UBXN6: variants seen among roughly 807,000 people sequenced by gnomAD.
UBXN6 encodes the protein UBX domain-containing protein 6.
Under a neutral mutation model 51.4 loss-of-function variants are expected in UBXN6, and 44 were observed. That is an observed-to-expected ratio of 0.86 (90% CI 0.67 to 1.10). UBXN6 has a LOEUF of 1.10. Ranked by LOEUF, UBXN6 falls within the 50% of genes least tolerant of loss-of-function variation. The pLI, the probability that UBXN6 is intolerant of heterozygous loss-of-function variation, is 0.00. For synonymous variants in UBXN6, 316 were observed against 263.2 expected (o/e 1.20, Z -1.94); for missense variants, 672 against 596.1 (o/e 1.13, Z -1.32).
intron 10 of UBXN6, 180 bp downstream of exon 10, chr19:4,445,869 G>T: frequency 9.0e-7 from 1 of 1,116,218 alleles, no homozygotes; most frequent in Non-Finnish European, 1.2e-6. Flanking sequence ...GCGTGGAGTA[G>T]TTATGAACTT....
chr19:4,456,991 TC>T (rs1021214569), intron 1 of UBXN6, among the ~76,000 whole-genome samples: 6 of 151,900 alleles, frequency 3.9e-5, no homozygotes, highest in African/African-American at 1.4e-4. Context: ...CTCTTTCTAG[TC>T]TCCCATCAGC....
In UBXN6 at chr19:4,448,418, GGGA is replaced by G; in HGVS notation, c.442-6_442-4del. ...GCCACTGGGTCGGTGGAGAAGTGCT[GGGA>G]GGAGGGAAGCAGGGAAAGCCACTCA... On this transcript the variant is annotated splice_polypyrimidine_tract_variant and splice_region_variant and intron_variant, in intron 4 of 10. Coordinates refer to ENST00000301281, the MANE Select transcript of UBXN6 (RefSeq NM_025241.3). 2 of 1,603,276 alleles carry G rather than the reference GGGA, an allele frequency of 1.2e-6. No homozygotes were observed. Among genetic ancestry groups the G allele is most frequent in the Non-Finnish European group, 1.7e-6 (2 of 1,175,762 alleles).
At chr19:4,448,016 C>T (rs1298157171) in intron 5 of UBXN6, 8 of 524,836 alleles carry the variant, frequency 1.5e-5, no homozygotes, top group African/African-American at 3.8e-5. Flanking sequence ...GGCCTGCCCC[C>T]GATCCTGAGA....
Position 4,448,323 on chromosome 19 carries a change from A to C in UBXN6, c.534T>G (p.Ile178Met). Residue 178 changes from isoleucine to methionine, a missense_variant, in exon 5 of 11, where the codon ATT becomes ATG. By Grantham distance (10) the Ile-to-Met change is conservative (BLOSUM62 1). Coordinates refer to ENST00000301281, the MANE Select transcript of UBXN6 (RefSeq NM_025241.3). Reference sequence around the variant, plus strand: ...CAAAGGGGCCACACGCTCACTTGGCAATGGTGTCCACACCCAGCTTCACCC... The same window carrying C: ...CAAAGGGGCCACACGCTCACTTGGCCATGGTGTCCACACCCAGCTTCACCC... The part of the protein sequence containing the change: ...QDRVKLGVDT[I>M]AKYLDNIHLH... 1 of 1,605,892 alleles carries C rather than the reference A, an allele frequency of 6.2e-7. No individual in the cohort carries two copies. The highest frequency in any genetic ancestry group is 8.5e-7 in the Non-Finnish European group (1 of 1,177,020).
chr19:4,447,429 TG>T, intron 6 of UBXN6, 120 bp downstream of exon 6: 2 of 1,067,018 alleles, frequency 1.9e-6, no homozygotes, highest in Non-Finnish European at 2.9e-6. Flanking sequence ...TCACTGCTTG[TG>T]GCTCAACTCT....
chr19:4,455,174 C>T (rs1257098873), intron 1 of UBXN6: 8 of 981,178 alleles, frequency 8.2e-6, no homozygotes, highest in East Asian at 1.1e-4. Context: ...CCTGCTCGGA[C>T]GCGTCTGTCT....
At position 4,448,372 on chromosome 19, in the gene UBXN6, T is replaced by C. The variant is rs1974583801; in HGVS notation, c.485A>G (p.Tyr162Cys). ...CCGGTCCTGGTCTTTGTTGAACGTGTAGATCTTCATGATGGAGGCGGCCAC... is the reference window on the plus strand; with the variant it reads ...CCGGTCCTGGTCTTTGTTGAACGTGCAGATCTTCATGATGGAGGCGGCCAC... ...DPVAASIMKI[Y>C]TFNKDQDRVK... The change falls in exon 5 of 11, where the codon TAC (tyrosine) becomes TGC (cysteine). Residue 162 changes from tyrosine (Y) to cysteine (C), a missense_variant. Transcript: ENST00000301281. The C allele has an allele frequency of 1.2e-6, 2 of 1,610,540 alleles. No homozygotes were observed. Among genetic ancestry groups the C allele is most frequent in the African/African-American group, 1.3e-5 (1 of 74,850 alleles).
At position 4,446,160 on chromosome 19, in the gene UBXN6, G is replaced by A. The variant is rs192197761; in HGVS notation, c.1089C>T (p.Tyr363=). 55 of 1,609,666 alleles carry A rather than the reference G, an allele frequency of 3.4e-5. No homozygotes were observed. The highest frequency in any genetic ancestry group is 3.3e-4 in the Middle Eastern group (2 of 6,054). ...FYARERLGAV[Y]GFVREALQSD... ...TCTGCAGGGCCTCCCGGACGAACCCGTACACCGCCCCCAGCCGCTCCCGAG... is the reference window on the plus strand; with the variant it reads ...TCTGCAGGGCCTCCCGGACGAACCCATACACCGCCCCCAGCCGCTCCCGAG... The change falls in exon 10 of 11, where the codon TAC becomes TAT. Residue 363 remains tyrosine, a synonymous_variant. Transcript: ENST00000301281.
Position 4,447,615 on chromosome 19 carries a change from T to G in UBXN6, c.550A>C (p.Asn184His), listed in dbSNP as rs760071185. 11 of 1,613,778 alleles carry G rather than the reference T, an allele frequency of 6.8e-6. No homozygotes were observed. The highest frequency in any genetic ancestry group is 9.3e-6 in the Non-Finnish European group (11 of 1,179,884). ...GVDTIAKYLDNIHLHPEEEKY... is the reference protein window; with the variant it reads ...GVDTIAKYLDHIHLHPEEEKY... ...TCCTCCTCGGGGTGCAGGTGGATGT[T>G]GTCCAGGTACCTGGGGTAGGTGGAG... is the stretch of plus-strand genomic sequence containing the variant. The change falls in exon 6 of 11, where the codon AAC becomes CAC. Residue 184 changes from asparagine (N) to histidine (H), a missense_variant. Asn to His is a moderately conservative substitution (Grantham distance 68, BLOSUM62 1). Transcript: ENST00000301281.
intron 10 of UBXN6, 130 bp downstream of exon 10, chr19:4,445,919 C>T (rs1974500940): frequency 7.0e-7 from 1 of 1,433,412 alleles, no homozygotes; most frequent in Non-Finnish European, 9.3e-7. Flanking sequence ...AAGCAGGATT[C>T]AAACCCAGGG....
Position 4,446,586 on chromosome 19 carries a change from C to T in UBXN6, c.834G>A (p.Gln278=), listed in dbSNP as rs769037800. Residue 278 remains glutamine (Q), a synonymous_variant, in exon 8 of 11, where the codon CAG becomes CAA. Transcript: ENST00000301281. ...AKLDRQRRVF[Q]PSPLASQFEL... ...CGAACTGCGAGGCCAGGGGCGAGGG[C>T]TGGAAGACGCGGCGCTGCCTGTCCA... The T allele has an allele frequency of 6.8e-6, 11 of 1,612,662 alleles. No individual in the cohort carries two copies. Among genetic ancestry groups the T allele is most frequent in the Admixed American group, 3.3e-5 (2 of 60,020 alleles).
intron 10 of UBXN6, 51 bp from the exon 11 acceptor site, chr19:4,445,674 C>T (rs372855117): frequency 3.3e-5 from 53 of 1,585,064 alleles, no homozygotes; most frequent in African/African-American, 4.0e-5. Flanking sequence ...GCCCTTGCCG[C>T]GGCAGGGAAC....
At position 4,448,305 on chromosome 19, in the gene UBXN6, G is replaced by A. The variant is rs781209925; in HGVS notation, c.539+13C>T. 3.8e-6 allele frequency: 6 copies of A among 1,594,494 alleles called. No individual in the cohort carries two copies. The highest frequency in any genetic ancestry group is 1.1e-5 in the South Asian group (1 of 88,278). ...TGGAGGGGCCAGGCAGGGCAAAGGG[G>A]CCACACGCTCACTTGGCAATGGTGT... On this transcript the variant is annotated intron_variant, in intron 5 of 10. Transcript: ENST00000301281.
At chr19:4,452,238 G>T in intron 4 of UBXN6, 126 bp downstream of exon 4, 6 of 1,372,598 alleles carry the variant, frequency 4.4e-6, no homozygotes, top group Non-Finnish European at 5.9e-6. Flanking sequence ...CAGAGGAGGG[G>T]CTTCACTACT....
chr19:4,446,960 C>T (rs774229362), intron 6 of UBXN6, 40 bp from the exon 7 acceptor site: 1 of 1,594,722 alleles, frequency 6.3e-7, no homozygotes, highest in Non-Finnish European at 8.6e-7. Context: ...CCCCTGGCTT[C>T]CTCCATGGCC....
chr19:4,455,409 C>T (rs770966797), intron 1 of UBXN6: 55 of 488,770 alleles, frequency 1.1e-4, no homozygotes, highest in Non-Finnish European at 1.4e-4. Context: ...CTCATGAAGA[C>T]CCACCCCGGC....
At chr19:4,445,722 G>A in intron 10 of UBXN6, 99 bp from the exon 11 acceptor site, 1 of 1,533,776 alleles carries the variant, frequency 6.5e-7, no homozygotes, top group Admixed American at 1.8e-5. Context: ...CCCCGGCCTG[G>A]AAGCCATCTC....
intron 10 of UBXN6, 103 bp downstream of exon 10, chr19:4,445,946 T>A: frequency 6.7e-7 from 1 of 1,494,428 alleles, no homozygotes. Flanking sequence ...CCAGGCCCCC[T>A]GCTCTGAGAA....
At chr19:4,447,309 G>T in intron 6 of UBXN6, 2 of 580,706 alleles carry the variant, frequency 3.4e-6, no homozygotes, top group East Asian at 5.7e-5. Flanking sequence ...CAGCTGAAGA[G>T]GAGGAAAAGG....
Sources: gnomAD v4.1 joint callset for allele counts (sites outside exome capture counted in the v4.1 genomes callset) on GRCh38, gnomAD v4.1.1 for gene constraint, MANE v1.5 for transcripts, NCBI Gene and HGNC (gene_info 2026-07-23, HGNC 2026-07-21) for gene names.